Variants in IMMP2L observed in about 807,000 individuals in gnomAD.
IMMP2L encodes mitochondrial inner membrane protease subunit 2.
A neutral mutation model predicts 19.3 loss-of-function variants in IMMP2L; 18 were observed. That is an observed-to-expected ratio of 0.93 (90% CI 0.64 to 1.38). IMMP2L has a LOEUF of 1.38. Ranked by LOEUF, IMMP2L falls within the 40% of genes most tolerant of loss-of-function variation. The pLI is 0.00. For missense variants in IMMP2L, 233 were observed against 218.2 expected, an observed-to-expected ratio of 1.07 and a Z score of -0.43; for synonymous variants, 76 against 73.0, an observed-to-expected ratio of 1.04 and a Z score of -0.21.
intron 5 of IMMP2L, among the ~76,000 whole-genome samples, chr7:110,862,700 C>A (rs1459145639): frequency 6.6e-6 from 1 of 151,880 alleles, no homozygotes; most frequent in Non-Finnish European, 1.5e-5. Flanking sequence ...ATAACTAAAT[C>A]TTCCCCACTA....
intron 5 of IMMP2L, among the ~76,000 whole-genome samples, chr7:110,672,969 T>C (rs1792026890): frequency 6.6e-6 from 1 of 152,166 alleles, no homozygotes; most frequent in Non-Finnish European, 1.5e-5. Context: ...GGCCCTCTTC[T>C]CACAGTTCCA....
chr7:111,061,864 C>A (rs1794048817), intron 3 of IMMP2L, among the ~76,000 whole-genome samples: 1 of 152,178 alleles, frequency 6.6e-6, no homozygotes, highest in Non-Finnish European at 1.5e-5. Context: ...TCTTTACTTA[C>A]AGGAGTCTAG....
intron 4 of IMMP2L, among the ~76,000 whole-genome samples, chr7:110,954,982 C>A (rs942989945): frequency 6.6e-6 from 1 of 151,912 alleles, no homozygotes; most frequent in Non-Finnish European, 1.5e-5. Flanking sequence ...TGATGTATTG[C>A]CTCCAGAAAC....
chr7:111,086,238 C>T (rs569586617), intron 3 of IMMP2L, among the ~76,000 whole-genome samples: 1 of 149,524 alleles, frequency 6.7e-6, no homozygotes, highest in Admixed American at 6.7e-5. Flanking sequence ...CATAGAGAGA[C>T]CCCATCTCTA....
chr7:111,489,461 C>T (rs2132295300), intron 2 of IMMP2L, among the ~76,000 whole-genome samples: 1 of 152,232 alleles, frequency 6.6e-6, no homozygotes, highest in East Asian at 1.9e-4. Context: ...AGCTTCCTCT[C>T]CGCCTTCACT....
intron 3 of IMMP2L, among the ~76,000 whole-genome samples, chr7:111,287,603 A>C (rs1160428911): frequency 1.3e-5 from 2 of 152,098 alleles, no homozygotes; most frequent in African/African-American, 4.8e-5. Context: ...ATTTTTCTCA[A>C]GGTATTGAGT....
At chr7:110,666,727 G>C (rs1327395084) in intron 5 of IMMP2L, among the ~76,000 whole-genome samples, 1 of 152,046 alleles carries the variant, frequency 6.6e-6, no homozygotes, top group Non-Finnish European at 1.5e-5. Context: ...TTCTTCCACA[G>C]TGATTACCCT....
At chr7:111,303,846 GA>G (rs1212401304) in intron 3 of IMMP2L, among the ~76,000 whole-genome samples, 1 of 151,234 alleles carries the variant, frequency 6.6e-6, no homozygotes, top group East Asian at 1.9e-4. Flanking sequence ...TGCAATAAAA[GA>G]AAAAAAGGTG....
At chr7:111,234,696 T>C (rs1158445403) in intron 3 of IMMP2L, among the ~76,000 whole-genome samples, 1 of 152,088 alleles carries the variant, frequency 6.6e-6, no homozygotes, top group East Asian at 1.9e-4. Flanking sequence ...CCACTTTATC[T>C]GCTTTCTTGA....
intron 3 of IMMP2L, among the ~76,000 whole-genome samples, chr7:110,980,678 A>T (rs1360188271): frequency 6.6e-6 from 1 of 152,216 alleles, no homozygotes; most frequent in Non-Finnish European, 1.5e-5. Context: ...AGAGAAATCA[A>T]CCATTTTTTA....
chr7:110,780,281 G>A (rs1799647003), intron 5 of IMMP2L, among the ~76,000 whole-genome samples: 1 of 150,676 alleles, frequency 6.6e-6, no homozygotes, highest in Admixed American at 6.7e-5. Flanking sequence ...CTGACTCTCT[G>A]GATTAGTTCT....
chr7:111,070,007 T>C lies in IMMP2L; in HGVS notation c.240-106442A>G, dbSNP rs114188416. ...CTTCAAAGACAGTCCATATATAACA[T>C]AAGAAAGGTGATAAATATTATCCAG... On this transcript the variant is annotated intron_variant, in intron 3 of 5. Coordinates refer to ENST00000405709, the MANE Select transcript of IMMP2L (RefSeq NM_032549.4). Among the ~76,000 whole-genome samples, 597 of 152,106 alleles carry C rather than the reference T, an allele frequency of 3.9e-3. 7 individuals are homozygous for C. Among genetic ancestry groups the C allele is most frequent in the African/African-American group, 0.013 (546 of 41,492 alleles).
chr7:111,500,688 C>T (rs1844128378), intron 2 of IMMP2L, among the ~76,000 whole-genome samples: 1 of 152,198 alleles, frequency 6.6e-6, no homozygotes, highest in South Asian at 2.1e-4. Context: ...TCTGCAGCCA[C>T]CGCTGCTGAT....
At chr7:111,012,509 A>G (rs951688028) in intron 3 of IMMP2L, among the ~76,000 whole-genome samples, 2 of 152,214 alleles carry the variant, frequency 1.3e-5, no homozygotes, top group African/African-American at 4.8e-5. Context: ...ATATTTATAT[A>G]TGATATTAAC....
At chr7:111,037,790 T>C (rs533152572) in intron 3 of IMMP2L, among the ~76,000 whole-genome samples, 1 of 152,264 alleles carries the variant, frequency 6.6e-6, no homozygotes, top group East Asian at 1.9e-4. Context: ...TTATGTACAA[T>C]TGCTTCTAAT....
At chr7:111,085,398 G>A (rs914517141) in intron 3 of IMMP2L, among the ~76,000 whole-genome samples, 5 of 152,088 alleles carry the variant, frequency 3.3e-5, no homozygotes, top group Non-Finnish European at 5.9e-5. Context: ...CCACAACCTC[G>A]TCAGTAGATT....
intron 3 of IMMP2L, among the ~76,000 whole-genome samples, chr7:110,971,627 T>G (rs966204477): frequency 1.3e-5 from 2 of 152,154 alleles, no homozygotes; most frequent in African/African-American, 4.8e-5. Context: ...CTCAGAAAGC[T>G]CTTACATTTA....
chr7:111,550,778 A>C (rs1563346684), intron 1 of IMMP2L, among the ~76,000 whole-genome samples: 1 of 152,266 alleles, frequency 6.6e-6, no homozygotes. Context: ...ATTGCTCCTC[A>C]TAACATCTGC....
intron 5 of IMMP2L, among the ~76,000 whole-genome samples, chr7:110,741,673 G>C (rs1184668303): frequency 2.0e-5 from 3 of 152,008 alleles, no homozygotes; most frequent in South Asian, 2.1e-4. Context: ...TGTTGCAGCA[G>C]CCAGAATGAA....
Sources: gnomAD v4.1 joint callset for allele counts (sites outside exome capture counted in the v4.1 genomes callset) on GRCh38, gnomAD v4.1.1 for gene constraint, MANE v1.5 for transcripts, NCBI Gene and HGNC (gene_info 2026-07-23, HGNC 2026-07-21) for gene names.